ME3: variants seen among roughly 807,000 people sequenced by gnomAD.
ME3 encodes malic enzyme 3, also known as NADP-dependent malic enzyme, mitochondrial.
ME3 carries 48 observed loss-of-function variants against 68.9 expected under a neutral mutation model. The observed-to-expected ratio is 0.70, with a 90% CI of 0.55 to 0.89. The LOEUF (loss-of-function observed/expected upper bound fraction) is 0.89. Ranked by LOEUF, ME3 falls within the 40% of genes least tolerant of loss-of-function variation. The pLI is 0.00. For synonymous variants in ME3, 320 were observed against 318.8 expected, an observed-to-expected ratio of 1.00 and a Z score of -0.04; for missense variants, 675 against 797.4, an observed-to-expected ratio of 0.85 and a Z score of 1.85.
chr11:86,638,229 T>C (rs889616996), intron 2 of ME3, among the ~76,000 whole-genome samples: 28 of 152,184 alleles, frequency 1.8e-4, no homozygotes, highest in African/African-American at 6.8e-4. Context: ...TGTGAGGTTG[T>C]GGTACTGGAA....
chr11:86,584,542 A>T (rs1958624593), intron 2 of ME3, among the ~76,000 whole-genome samples: 1 of 152,256 alleles, frequency 6.6e-6, no homozygotes, highest in East Asian at 1.9e-4. Context: ...TGTAGAAAGG[A>T]TCTAAATGTC....
chr11:86,656,170 C>G (rs939993696), intron 2 of ME3, among the ~76,000 whole-genome samples: 1 of 151,258 alleles, frequency 6.6e-6, no homozygotes, highest in African/African-American at 2.4e-5. Context: ...ACTAGTTCAA[C>G]CATTGTGGAA....
chr11:86,645,106 C>T (rs918018015), intron 2 of ME3, among the ~76,000 whole-genome samples: 1 of 152,192 alleles, frequency 6.6e-6, no homozygotes, highest in African/African-American at 2.4e-5. Flanking sequence ...CCACCAGGGC[C>T]CCAGGTTTCA....
At chr11:86,568,531 C>T (rs906170442) in intron 2 of ME3, among the ~76,000 whole-genome samples, 2 of 152,218 alleles carry the variant, frequency 1.3e-5, no homozygotes, top group Non-Finnish European at 2.9e-5. Flanking sequence ...TCTATTTACC[C>T]ATGGGCTCAG....
intron 2 of ME3, among the ~76,000 whole-genome samples, chr11:86,657,910 T>C (rs1594808907): frequency 6.6e-6 from 1 of 152,108 alleles, no homozygotes; most frequent in African/African-American, 2.4e-5. Context: ...GATGGATGGA[T>C]GGACAGGGAT....
downstream of ME3, among the ~76,000 whole-genome samples, chr11:86,438,181 A>G (rs528993400): frequency 2.6e-5 from 4 of 152,198 alleles, no homozygotes; most frequent in African/African-American, 7.2e-5. Flanking sequence ...GGGTTTTTTC[A>G]TAAATGGGCG....
Position 86,544,156 on chromosome 11 carries a change from G to A in ME3, c.467+12397C>T, listed in dbSNP as rs113084454. 5.0e-3 allele frequency among the ~76,000 whole-genome samples: 759 copies of A among 152,328 alleles called. 5 individuals are homozygous for A. The highest frequency in any genetic ancestry group is 8.2e-3 in the Non-Finnish European group (557 of 68,030). ...GAATCTCTGGGACACAGCTAAAGCGGTGTTTAGAGGGAAACTTATAGAACT... is the reference window on the plus strand; with the variant it reads ...GAATCTCTGGGACACAGCTAAAGCGATGTTTAGAGGGAAACTTATAGAACT... On this transcript the variant is annotated intron_variant, in intron 4 of 14. Transcript: ENST00000543262.
intron 2 of ME3, among the ~76,000 whole-genome samples, chr11:86,569,924 T>C (rs554282574): frequency 6.6e-6 from 1 of 152,196 alleles, no homozygotes; most frequent in Non-Finnish European, 1.5e-5. Flanking sequence ...ATTTTAAAAG[T>C]TGTTGACTGA....
intron 8 of ME3, among the ~76,000 whole-genome samples, chr11:86,453,837 T>C (rs1949771961): frequency 6.6e-6 from 1 of 152,190 alleles, no homozygotes; most frequent in Non-Finnish European, 1.5e-5. Flanking sequence ...AGAACTAGTC[T>C]CATAGCTGCC....
intron 2 of ME3, among the ~76,000 whole-genome samples, chr11:86,670,458 G>T (rs572935440): frequency 6.6e-6 from 1 of 152,332 alleles, no homozygotes; most frequent in East Asian, 1.9e-4. Context: ...AGGAGCCTTT[G>T]TGTGCTTAAG....
At chr11:86,508,938 T>A in intron 4 of ME3, 71 bp from the exon 5 acceptor site, 1 of 1,210,988 alleles carries the variant, frequency 8.3e-7, no homozygotes, top group East Asian at 2.3e-5. Flanking sequence ...AAGTCCATAG[T>A]ACTAGGTATT....
chr11:86,511,764 C>T (rs1426499414), intron 4 of ME3, among the ~76,000 whole-genome samples: 1 of 152,124 alleles, frequency 6.6e-6, no homozygotes, highest in Non-Finnish European at 1.5e-5. Flanking sequence ...CTCGAGGTCA[C>T]AAGATTTTTG....
chr11:86,466,876 A>T (rs917157803), intron 7 of ME3, among the ~76,000 whole-genome samples: 1 of 152,172 alleles, frequency 6.6e-6, no homozygotes, highest in African/African-American at 2.4e-5. Context: ...GGCTCTCCAC[A>T]TTCAACTGAG....
At chr11:86,612,757 G>T (rs754355206) in intron 2 of ME3, among the ~76,000 whole-genome samples, 1 of 151,714 alleles carries the variant, frequency 6.6e-6, no homozygotes, top group Non-Finnish European at 1.5e-5. Flanking sequence ...TTTTGATGTG[G>T]TTGTTTTTTT....
intron 4 of ME3, among the ~76,000 whole-genome samples, chr11:86,542,249 C>G (rs1394051627): frequency 1.3e-5 from 2 of 152,142 alleles, no homozygotes; most frequent in Non-Finnish European, 2.9e-5. Flanking sequence ...GCCTCTTCTG[C>G]TCCAAAGGAT....
At chr11:86,572,572 G>A (rs1247994914) in intron 2 of ME3, among the ~76,000 whole-genome samples, 1 of 152,146 alleles carries the variant, frequency 6.6e-6, no homozygotes, top group Non-Finnish European at 1.5e-5. Context: ...TGAGGATGAT[G>A]GCTTCCAGCT....
At chr11:86,602,635 C>T (rs893978528) in intron 2 of ME3, among the ~76,000 whole-genome samples, 6 of 152,266 alleles carry the variant, frequency 3.9e-5, no homozygotes, top group African/African-American at 1.4e-4. Context: ...AAAAAAGAGC[C>T]CGCATCAGTA....
At chr11:86,647,466 C>T (rs1160063678) in intron 2 of ME3, among the ~76,000 whole-genome samples, 2 of 148,154 alleles carry the variant, frequency 1.3e-5, no homozygotes, top group Non-Finnish European at 3.0e-5. Flanking sequence ...GCCTGGGAGA[C>T]ACAGCGAGAC....
At chr11:86,464,959 T>C (rs997853333) in intron 8 of ME3, 132 bp downstream of exon 8, 5 of 673,864 alleles carry the variant, frequency 7.4e-6, no homozygotes, top group Admixed American at 2.4e-5. Context: ...AAGTTTAATA[T>C]TCTTTTTTCA....
Sources: allele counts gnomAD v4.1 joint callset (sites outside exome capture counted in the v4.1 genomes callset), GRCh38; gene constraint gnomAD v4.1.1; transcripts MANE v1.5; gene names NCBI Gene and HGNC (gene_info 2026-07-23, HGNC 2026-07-21).